The following ZNF536 variants were observed in gnomAD, a reference collection of about 807,000 sequenced individuals.
ZNF536 encodes the protein zinc finger protein 536.
Under a neutral mutation model 84.5 loss-of-function variants are expected in ZNF536, and 13 were observed. The observed-to-expected ratio is 0.15, with a 90% CI of 0.10 to 0.24. ZNF536 has a LOEUF of 0.24. Ranked by LOEUF, ZNF536 falls within the 10% of genes least tolerant of loss-of-function variation. The probability of loss-of-function intolerance (pLI) is 1.00; values close to 1 mark genes in which losing one functional copy is unlikely to be tolerated. For missense variants in ZNF536, 1,536 were observed against 1,747.5 expected, an observed-to-expected ratio of 0.88 and a Z score of 2.16; for synonymous variants, 811 against 742.5, an observed-to-expected ratio of 1.09 and a Z score of -1.50.
intron 2 of ZNF536, among the ~76,000 whole-genome samples, chr19:30,503,997 C>T (rs1568493031): frequency 6.6e-6 from 1 of 151,314 alleles, no homozygotes; most frequent in Non-Finnish European, 1.5e-5. Flanking sequence ...AAAGAAACTC[C>T]AGTTGGGAAG....
At chr19:30,693,089 T>C (rs2051484583) in intron 1 of ZNF536, among the ~76,000 whole-genome samples, 1 of 152,216 alleles carries the variant, frequency 6.6e-6, no homozygotes, top group East Asian at 1.9e-4. Flanking sequence ...GCTACTAGTG[T>C]GTGCTTGCAC....
chr19:30,307,216 A>T (rs1305217207), intron 2 of ZNF536, among the ~76,000 whole-genome samples: 1 of 152,034 alleles, frequency 6.6e-6, no homozygotes, highest in African/African-American at 2.4e-5. Context: ...TTGAAAAAAC[A>T]CTTGATGTTA....
chr19:30,467,819 C>A (rs1318187242), intron 2 of ZNF536, among the ~76,000 whole-genome samples: 2 of 152,244 alleles, frequency 1.3e-5, no homozygotes, highest in African/African-American at 4.8e-5. Context: ...CACTGGGTAG[C>A]TACTGTGTAC....
intron 1 of ZNF536, among the ~76,000 whole-genome samples, chr19:30,650,582 T>G (rs1430606927): frequency 6.6e-6 from 1 of 152,226 alleles, no homozygotes; most frequent in Admixed American, 6.5e-5. Context: ...AGGAGAGATT[T>G]TTTTTCCTCC....
At chr19:30,674,195 G>A (rs898795719) in intron 1 of ZNF536, among the ~76,000 whole-genome samples, 2 of 152,196 alleles carry the variant, frequency 1.3e-5, no homozygotes, top group African/African-American at 2.4e-5. Context: ...GATGGGATAG[G>A]GGCCTGGGTG....
chr19:30,628,888 A>G (rs1568617552), intron 1 of ZNF536, among the ~76,000 whole-genome samples: 2 of 152,070 alleles, frequency 1.3e-5, no homozygotes, highest in Non-Finnish European at 2.9e-5. Context: ...TATTTTTAGT[A>G]GAGATGGTGT....
intron 2 of ZNF536, among the ~76,000 whole-genome samples, chr19:30,462,849 A>T (rs1055563228): frequency 1.2e-4 from 16 of 136,028 alleles, no homozygotes; most frequent in Admixed American, 1.1e-3. Context: ...TGTTGTGTGG[A>T]TAAGGATGTG....
intron 1 of ZNF536, among the ~76,000 whole-genome samples, chr19:30,683,663 A>C (rs989962307): frequency 1.3e-5 from 2 of 152,138 alleles, no homozygotes; most frequent in Non-Finnish European, 2.9e-5. Context: ...GAAATTGCTC[A>C]CTAAATATCT....
intron 2 of ZNF536, among the ~76,000 whole-genome samples, chr19:30,294,103 A>C (rs1170264146): frequency 6.6e-6 from 1 of 152,110 alleles, no homozygotes; most frequent in Non-Finnish European, 1.5e-5. Context: ...GTCTTTCACT[A>C]TCTCTTGCCA....
intron 2 of ZNF536, among the ~76,000 whole-genome samples, chr19:30,515,563 C>T (rs925792404): frequency 3.9e-5 from 6 of 152,148 alleles, no homozygotes; most frequent in South Asian, 4.1e-4. Context: ...TCTATGATCA[C>T]AGCAGCAGGA....
intron 3 of ZNF536, among the ~76,000 whole-genome samples, chr19:30,367,228 C>T (rs773170437): frequency 6.6e-6 from 1 of 152,154 alleles, no homozygotes; most frequent in Non-Finnish European, 1.5e-5. Flanking sequence ...TGTTCCCTTG[C>T]AGGGTTGGAG....
At chr19:30,709,549 T>C (rs1402426929) in intron 1 of ZNF536, among the ~76,000 whole-genome samples, 2 of 152,244 alleles carry the variant, frequency 1.3e-5, no homozygotes, top group African/African-American at 2.4e-5. Context: ...GAAGGATTTA[T>C]GGTCTTTGTG....
rs994595355 is a variant in ZNF536, at chr19:30,271,487, A to C, written c.-189-12585A>C. ...TCCAGAATAACCAGTAGCTGGAGCTAAGGCTGATATGGATTTAGGGGTCAA... is the reference window on the plus strand; with the variant it reads ...TCCAGAATAACCAGTAGCTGGAGCTCAGGCTGATATGGATTTAGGGGTCAA... On this transcript the variant is annotated intron_variant, in intron 1 of 5. Coordinates refer to the ZNF536 transcript ENST00000585628. Among the ~76,000 whole-genome samples the C allele has an allele frequency of 3.3e-5, 5 of 151,908 alleles. No homozygotes were observed. The East Asian group carries it at 5.8e-4, about 18-fold the overall frequency.
intron 1 of ZNF536, among the ~76,000 whole-genome samples, chr19:30,604,548 G>A (rs940874916): frequency 1.2e-4 from 18 of 152,194 alleles, no homozygotes; most frequent in Non-Finnish European, 2.4e-4. Flanking sequence ...AGTGCTATTA[G>A]CTTCACAGGA....
intron 1 of ZNF536, among the ~76,000 whole-genome samples, chr19:30,700,382 C>A (rs2051888930): frequency 7.0e-6 from 1 of 143,608 alleles, no homozygotes; most frequent in Non-Finnish European, 1.5e-5. Context: ...TTCTTACTTT[C>A]CTTCCTTCCT....
chr19:30,409,292 T>C (rs893327887), intron 1 of ZNF536, among the ~76,000 whole-genome samples: 1 of 152,228 alleles, frequency 6.6e-6, no homozygotes, highest in African/African-American at 2.4e-5. Context: ...GGAGAGTGTA[T>C]TTCCTGCCAA....
chr19:30,564,133 AAGG>A (rs369393723), intron 1 of ZNF536, among the ~76,000 whole-genome samples: 3 of 152,210 alleles, frequency 2.0e-5, no homozygotes, highest in Non-Finnish European at 4.4e-5. Context: ...CAAAGAGAAG[AAGG>A]AGGAGGATTA....
At chr19:30,247,647 G>A (rs1320523760) in intron 1 of ZNF536, among the ~76,000 whole-genome samples, 2 of 152,184 alleles carry the variant, frequency 1.3e-5, no homozygotes, top group South Asian at 2.1e-4. Flanking sequence ...GGGCAACATC[G>A]CAAGAGCCCG....
rs778482494 is a variant in ZNF536 at position 30,443,712 on chromosome 19, C to G, written c.150C>G (p.Leu50=). ...AGCTCAGCCATGCCTTCCCCGAGCT[C>G]CATCCCCGGCCCAACCCCGAGGAGA... The part of the protein sequence containing the change: ...TSQLSHAFPE[L]HPRPNPEEKP... The change falls in exon 2 of 5, where the codon CTC becomes CTG. Residue 50 remains leucine, a synonymous_variant. Coordinates refer to ENST00000355537, the MANE Select transcript of ZNF536 (RefSeq NM_014717.3). 4 of 1,613,576 alleles carry G rather than the reference C, an allele frequency of 2.5e-6. No individual in the cohort carries two copies. Among genetic ancestry groups the G allele is most frequent in the East Asian group, 2.2e-5 (1 of 44,884 alleles).
Sources: allele counts gnomAD v4.1 joint callset (sites outside exome capture counted in the v4.1 genomes callset), GRCh38; gene constraint gnomAD v4.1.1; transcripts MANE v1.5; gene names NCBI Gene and HGNC (gene_info 2026-07-23, HGNC 2026-07-21).